The following BCKDHB variants were observed in gnomAD, a reference collection of about 807,000 sequenced individuals.
The protein encoded by BCKDHB is branched chain keto acid dehydrogenase E1 subunit beta.
BCKDHB carries 41 observed loss-of-function variants against 48.5 expected under a neutral mutation model. The ratio of observed to expected loss-of-function variants is 0.85; its 90% confidence interval spans 0.66 to 1.10. BCKDHB has a LOEUF of 1.10. BCKDHB is among the 50% of genes least tolerant of loss of function. The pLI, the probability that BCKDHB is intolerant of heterozygous loss-of-function variation, is 0.00. For synonymous variants in BCKDHB, 201 were observed against 174.8 expected, an observed-to-expected ratio of 1.15 and a Z score of -1.18; for missense variants, 496 against 494.2, an observed-to-expected ratio of 1.00 and a Z score of -0.03.
chr6:80,452,425 A>G, the BCKDHB span, among the ~76,000 whole-genome samples: 1 of 152,218 alleles, frequency 6.6e-6, no homozygotes, highest in South Asian at 2.1e-4. Context: ...GCATTATGCA[A>G]ACATAATATC....
intron 9 of BCKDHB, among the ~76,000 whole-genome samples, chr6:80,286,904 C>T (rs1766651524): frequency 6.6e-6 from 1 of 152,054 alleles, no homozygotes; most frequent in Non-Finnish European, 1.5e-5. Flanking sequence ...ATTACATTTG[C>T]ATTGTTGTTC....
chr6:80,337,494 A>T (rs2143885), intron 9 of BCKDHB, among the ~76,000 whole-genome samples: 2 of 151,820 alleles, frequency 1.3e-5, no homozygotes, highest in Non-Finnish European at 2.9e-5. Flanking sequence ...AAAAGTAAGC[A>T]CATTCACACA....
chr6:80,233,930 GA>G (rs1201595321), intron 8 of BCKDHB, among the ~76,000 whole-genome samples: 1 of 152,256 alleles, frequency 6.6e-6, no homozygotes, highest in Non-Finnish European at 1.5e-5. Flanking sequence ...CCACAGACTG[GA>G]AGACAATTTT....
chr6:80,183,441 A>G (rs564593589), intron 6 of BCKDHB, among the ~76,000 whole-genome samples: 52 of 152,256 alleles, frequency 3.4e-4, no homozygotes, highest in Non-Finnish European at 6.8e-4. Context: ...ATTAAGAGTT[A>G]TTTTTTAAGA....
intron 9 of BCKDHB, among the ~76,000 whole-genome samples, chr6:80,301,774 G>A (rs1767597249): frequency 6.6e-6 from 1 of 152,118 alleles, no homozygotes. Context: ...GAATTCAGTA[G>A]CACATCAAAA....
rs75559523 is a variant in BCKDHB, at chr6:80,150,954, A to T, written c.344-16724A>T. The stretch of plus-strand genomic sequence containing the variant: ...GTGAGCTGAATACTGTCCTTAATAT[A>T]TGTGAAATGTCACTGTTATATTATG... On this transcript the variant is annotated intron_variant, in intron 3 of 9. Transcript: ENST00000320393. Among the ~76,000 whole-genome samples, 276 of 152,310 alleles carry T rather than the reference A, an allele frequency of 1.8e-3. 6 individuals are homozygous for T. The East Asian group carries it at 0.051, about 28-fold the overall frequency.
chr6:80,287,443 A>G (rs1255926633), intron 9 of BCKDHB, among the ~76,000 whole-genome samples: 1 of 148,586 alleles, frequency 6.7e-6, no homozygotes, highest in Non-Finnish European at 1.5e-5. Context: ...GATCAAGAAT[A>G]TAAATGCTAT....
chr6:80,139,638 G>A (rs546172404), intron 3 of BCKDHB, among the ~76,000 whole-genome samples: 1 of 151,886 alleles, frequency 6.6e-6, no homozygotes, highest in Admixed American at 6.6e-5. Context: ...ATTTCTGAGG[G>A]CTCTGTTCTG....
intron 2 of BCKDHB, 110 bp downstream of exon 2, chr6:80,127,734 T>C (rs1377170433): frequency 9.9e-7 from 1 of 1,006,836 alleles, no homozygotes; most frequent in Non-Finnish European, 1.6e-6. Flanking sequence ...CTACCTGACA[T>C]TTTCAAAGGT....
chr6:80,378,649 A>G, the BCKDHB span, among the ~76,000 whole-genome samples: 1 of 152,096 alleles, frequency 6.6e-6, no homozygotes. Context: ...TTAGGTAGAT[A>G]CCCAGTAGTG....
chr6:80,420,047 T>G, the BCKDHB span, among the ~76,000 whole-genome samples: 5 of 152,194 alleles, frequency 3.3e-5, no homozygotes, highest in Non-Finnish European at 7.3e-5. Flanking sequence ...TCATGTATTA[T>G]TTTCCTGATG....
the BCKDHB span, among the ~76,000 whole-genome samples, chr6:80,360,773 C>T: frequency 4.0e-5 from 6 of 151,872 alleles, no homozygotes; most frequent in East Asian, 1.9e-4. Flanking sequence ...TGGGAGGCTG[C>T]GGTGGGCGAC....
intron 8 of BCKDHB, among the ~76,000 whole-genome samples, chr6:80,271,643 T>C (rs1777744946): frequency 6.6e-6 from 1 of 152,110 alleles, no homozygotes; most frequent in African/African-American, 2.4e-5. Context: ...TGCTCAAAAT[T>C]TAAGATGCAC....
At chr6:80,184,896 C>T (rs1773572654) in intron 6 of BCKDHB, among the ~76,000 whole-genome samples, 1 of 152,144 alleles carries the variant, frequency 6.6e-6, no homozygotes, top group African/African-American at 2.4e-5. Flanking sequence ...CTTTAGATAA[C>T]TTGATGACCA....
chr6:80,392,362 A>ATTT, the BCKDHB span, among the ~76,000 whole-genome samples: 2,362 of 146,064 alleles, frequency 0.016, 58 homozygotes, highest in African/African-American at 0.057. Flanking sequence ...TTAGGGCTGT[A>ATTT]TTTTTTTTTT....
intron 9 of BCKDHB, among the ~76,000 whole-genome samples, chr6:80,308,738 G>T (rs1371326432): frequency 6.6e-6 from 1 of 151,820 alleles, no homozygotes; most frequent in Non-Finnish European, 1.5e-5. Flanking sequence ...GGGACTACAG[G>T]CGCCCGCCAC....
At chr6:80,343,182 G>A (rs1770009465) in intron 9 of BCKDHB, among the ~76,000 whole-genome samples, 1 of 152,206 alleles carries the variant, frequency 6.6e-6, no homozygotes, top group Admixed American at 6.5e-5. Flanking sequence ...TGAGAGAGAT[G>A]AGAACACAGT....
At chr6:80,409,492 C>T in the BCKDHB span, among the ~76,000 whole-genome samples, 4,807 of 145,748 alleles carry the variant, frequency 0.033, 197 homozygotes, top group African/African-American at 0.1. Flanking sequence ...TGAAGTCTCC[C>T]GTCATTATTT....
intron 9 of BCKDHB, among the ~76,000 whole-genome samples, chr6:80,301,029 G>A (rs1767552267): frequency 6.6e-6 from 1 of 152,040 alleles, no homozygotes; most frequent in Non-Finnish European, 1.5e-5. Flanking sequence ...CTAGGATGCA[G>A]CCAAAGCAGT....
Sources: allele counts gnomAD v4.1 joint callset (sites outside exome capture counted in the v4.1 genomes callset), GRCh38; gene constraint gnomAD v4.1.1; transcripts MANE v1.5; gene names NCBI Gene and HGNC (gene_info 2026-07-23, HGNC 2026-07-21).